Variants in MBD3 observed in about 807,000 individuals in gnomAD.
MBD3 encodes methyl-CpG binding domain protein 3, also known as methyl-CpG-binding domain protein 3.
MBD3 carries 13 observed loss-of-function variants against 31.2 expected under a neutral mutation model. That is an observed-to-expected ratio of 0.42 (90% CI 0.27 to 0.66). The LOEUF (loss-of-function observed/expected upper bound fraction) is 0.66. Ranked by LOEUF, MBD3 falls within the 30% of genes least tolerant of loss-of-function variation. The pLI, the probability that MBD3 is intolerant of heterozygous loss-of-function variation, is 0.26. For missense variants in MBD3, 440 were observed against 426.5 expected (o/e 1.03, Z -0.28); for synonymous variants, 223 against 187.4 (o/e 1.19, Z -1.55).
At position 1,578,127 on chromosome 19, in the gene MBD3, C is replaced by G; in HGVS notation, c.*37G>C. 2 of 753,996 alleles carry G rather than the reference C, an allele frequency of 2.7e-6. No homozygotes were observed. Among genetic ancestry groups the G allele is most frequent in the Non-Finnish European group, 4.2e-6 (2 of 475,194 alleles). 46.7% of individuals were successfully genotyped at this position (753,996 alleles called of 1,614,324 possible). On this transcript the variant is annotated 3_prime_UTR_variant, in exon 7 of 7. Transcript: ENST00000434436. This position sits in a 1 kb window ranked among gnomAD's most constrained non-coding sequence, Gnocchi z 6.1. ...CCGAGGACCGCGTCTGCAGGCGGCT[C>G]CAGCAGGCAGCACGGGCTCTCGGCA...
At chr19:1,582,741 G>A (rs1248984207) in intron 3 of MBD3, 29 bp from the exon 4 acceptor site, 2 of 1,593,474 alleles carry the variant, frequency 1.3e-6, no homozygotes, top group Admixed American at 3.4e-5. Context: ...TGAACCTCAA[G>A]AGTGGCCCTG....
intron 1 of MBD3, 111 bp downstream of exon 1, chr19:1,592,411 C>G (rs375987730): frequency 2.9e-5 from 8 of 279,964 alleles, no homozygotes; most frequent in African/African-American, 1.6e-4. Context: ...CACGCACGCA[C>G]GACGCACGCG....
chr19:1,592,000 C>A (rs894591956), intron 1 of MBD3: 1 of 152,246 alleles, frequency 6.6e-6, no homozygotes, highest in Non-Finnish European at 1.5e-5. Context: ...AAAAAAGCAA[C>A]GCTGCGTGGG....
At chr19:1,579,365 C>T (rs1433331426) in intron 5 of MBD3, among the ~76,000 whole-genome samples, 1 of 151,990 alleles carries the variant, frequency 6.6e-6, no homozygotes, top group Non-Finnish European at 1.5e-5. Context: ...CGTCTCAACC[C>T]ACCACCAGGG....
Position 1,581,198 on chromosome 19 carries a change from G to C in MBD3, c.571C>G (p.Pro191Ala). Residue 191 changes from proline (P) to alanine (A), a missense_variant, in exon 5 of 7, where the codon CCC becomes GCC. Pro to Ala is a conservative substitution (Grantham distance 27). Coordinates refer to ENST00000434436, the MANE Select transcript of MBD3 (RefSeq NM_001281453.2). ...IASALHTSTMPITGQLSAAVE... is the reference protein window; with the variant it reads ...IASALHTSTMAITGQLSAAVE... Reference sequence around the variant, plus strand: ...GCGGCCGAGAGCTGTCCCGTGATGGGCATGGTGCTAGTGTGCAGGGCGCTG... The same window carrying C: ...GCGGCCGAGAGCTGTCCCGTGATGGCCATGGTGCTAGTGTGCAGGGCGCTG... The C allele has an allele frequency of 6.2e-7, 1 of 1,613,938 alleles. No homozygotes were observed.
intron 2 of MBD3, 181 bp downstream of exon 2, chr19:1,584,874 G>A: frequency 2.9e-6 from 3 of 1,048,882 alleles, no homozygotes; most frequent in Admixed American, 2.8e-5. Context: ...CGCGGGCCGC[G>A]TCCTCGCCAT....
In MBD3 at chr19:1,577,521, C is replaced by G. The variant is rs538380212; in HGVS notation, c.*643G>C. On this transcript the variant is annotated 3_prime_UTR_variant, in exon 7 of 7. Coordinates refer to ENST00000434436, the MANE Select transcript of MBD3 (RefSeq NM_001281453.2). ...GCGGCTGGAGTTTGGTTTTCAGAAGCGAAGGCTGGCGTTGGCACACAGGGA... is the reference window on the plus strand; with the variant it reads ...GCGGCTGGAGTTTGGTTTTCAGAAGGGAAGGCTGGCGTTGGCACACAGGGA... 1 of 152,238 alleles carries G rather than the reference C, an allele frequency of 6.6e-6. No individual in the cohort carries two copies. The highest frequency in any genetic ancestry group is 6.5e-5 in the Admixed American group (1 of 15,284). 9.4% of individuals were successfully genotyped at this position (152,238 alleles called of 1,614,324 possible). A position where few individuals can be genotyped will look rare whatever the true frequency, so the allele number is the denominator to read the frequency against.
chr19:1,588,294 T>C (rs1050220818), intron 1 of MBD3, among the ~76,000 whole-genome samples: 4 of 152,158 alleles, frequency 2.6e-5, no homozygotes, highest in African/African-American at 7.2e-5. Flanking sequence ...CTTAACTCTT[T>C]TAATTACTCT....
chr19:1,581,365 G>T, intron 4 of MBD3, 96 bp from the exon 5 acceptor site: 1 of 1,294,242 alleles, frequency 7.7e-7, no homozygotes, highest in Non-Finnish European at 1.1e-6. Context: ...AATGGGAGCT[G>T]CCACCTTCTT....
Position 1,578,328 on chromosome 19 carries a change from G to C in MBD3, c.*5+7C>G. ...GACTCCAGGGAGCCCCCGTGGCCCCGCAGCACCTGCCCTAGACGTGCTCCA... is the reference window on the plus strand; with the variant it reads ...GACTCCAGGGAGCCCCCGTGGCCCCCCAGCACCTGCCCTAGACGTGCTCCA... On this transcript the variant is annotated splice_region_variant and intron_variant, in intron 6 of 6. Transcript: ENST00000434436. The surrounding 1 kb of genome is among the most constrained non-coding windows in gnomAD (Gnocchi z 6.1). 3.1e-6 allele frequency: 5 copies of C among 1,601,750 alleles called. No homozygotes were observed. The highest frequency in any genetic ancestry group is 2.2e-5 in the East Asian group (1 of 44,860).
At chr19:1,580,273 C>G (rs1406743863) in intron 5 of MBD3, among the ~76,000 whole-genome samples, 1 of 152,184 alleles carries the variant, frequency 6.6e-6, no homozygotes, top group Non-Finnish European at 1.5e-5. Context: ...CGGATGGAAC[C>G]CTTGGCGCCC....
rs2060675407 is a variant in MBD3, at chr19:1,585,555, CCT to C, written c.111-343_111-342del. 1 of 352,724 alleles carries C rather than the reference CCT, an allele frequency of 2.8e-6. No homozygotes were observed. The highest frequency in any genetic ancestry group is 5.4e-6 in the Non-Finnish European group (1 of 185,936). The allele number at this position is 352,724 out of a possible 1,614,324, so 21.8% of individuals were successfully genotyped here. On this transcript the variant is annotated intron_variant, in intron 1 of 6. Transcript: ENST00000434436. The surrounding 1 kb of genome is among the most constrained non-coding windows in gnomAD (Gnocchi z 4.1). ...TGCTCCAGACCCCCAACCCCGGTCC[CCT>C]CTGAATCCTCCCCACCGTAGGCCCT... is the stretch of plus-strand genomic sequence containing the variant.
chr19:1,587,322 G>A (rs2060684079), intron 1 of MBD3, among the ~76,000 whole-genome samples: 1 of 151,922 alleles, frequency 6.6e-6, no homozygotes, highest in South Asian at 2.1e-4. Context: ...GGCTGGTCTG[G>A]AACTCCTGAG....
At chr19:1,580,559 C>T (rs909053924) in intron 5 of MBD3, among the ~76,000 whole-genome samples, 11 of 152,250 alleles carry the variant, frequency 7.2e-5, no homozygotes, top group African/African-American at 1.9e-4. Context: ...CAGGCGCCTC[C>T]GTCACCAGGC....
rs1568279781 is a variant in MBD3 at position 1,592,661 on chromosome 19, C to T, written c.-30G>A. ...CCCGGCTCCTCGGCCCGCCGCCGGG[C>T]CCGCCGCCGCCGCCCGGACCCCCAC... On this transcript the variant is annotated 5_prime_UTR_variant, in exon 1 of 7. Coordinates refer to ENST00000434436, the MANE Select transcript of MBD3 (RefSeq NM_001281453.2). 3.0e-6 allele frequency: 3 copies of T among 1,016,534 alleles called. No homozygotes were observed. The highest frequency in any genetic ancestry group is 3.8e-6 in the Non-Finnish European group (3 of 790,466). The allele number at this position is 1,016,534 out of a possible 1,614,324, so 63.0% of individuals were successfully genotyped here.
At chr19:1,587,776 T>G (rs758617199) in intron 1 of MBD3, among the ~76,000 whole-genome samples, 16 of 152,218 alleles carry the variant, frequency 1.1e-4, no homozygotes, top group Non-Finnish European at 2.2e-4. Flanking sequence ...CTAGGCCAGG[T>G]ACCTCAAACA....
intron 1 of MBD3, chr19:1,592,223 C>A (rs894852793): frequency 2.0e-5 from 3 of 153,722 alleles, no homozygotes; most frequent in Non-Finnish European, 4.3e-5. Context: ...TCCACCCCTG[C>A]CCCCCGGTAG....
Position 1,585,360 on chromosome 19 carries a change from A to C in MBD3, c.111-146T>G, listed in dbSNP as rs1273632802. 5.6e-5 allele frequency: 47 copies of C among 839,706 alleles called. No individual in the cohort carries two copies. The highest frequency in any genetic ancestry group is 3.5e-4 in the Middle Eastern group (1 of 2,824). 52.0% of individuals were successfully genotyped at this position (839,706 alleles called of 1,614,324 possible). ...CCAACACGGCCCTGACCCCAAACCC[A>C]GGCAGGCCCTGGCCCCAGCCCCAGA... is the stretch of plus-strand genomic sequence containing the variant. On this transcript the variant is annotated intron_variant, in intron 1 of 6. Coordinates refer to ENST00000434436, the MANE Select transcript of MBD3 (RefSeq NM_001281453.2). The surrounding 1 kb of genome is among the most constrained non-coding windows in gnomAD (Gnocchi z 4.1).
chr19:1,584,011 G>A (rs574773083), intron 3 of MBD3, among the ~76,000 whole-genome samples: 3 of 151,670 alleles, frequency 2.0e-5, no homozygotes, highest in South Asian at 2.1e-4. Flanking sequence ...TAGTAGAGAC[G>A]GGGTTTCACC....
Sources: gnomAD v4.1 joint callset for allele counts (sites outside exome capture counted in the v4.1 genomes callset) on GRCh38, gnomAD v4.1.1 for gene constraint, Gnocchi (gnomAD v3.1) non-coding constraint, MANE v1.5 for transcripts, NCBI Gene and HGNC (gene_info 2026-07-23, HGNC 2026-07-21) for gene names.